SAT1: variants seen among roughly 807,000 people sequenced by gnomAD.
The protein encoded by SAT1 is spermidine/spermine N1-acetyltransferase 1.
Under a neutral mutation model 14.7 loss-of-function variants are expected in SAT1, and 1 was observed. That is an observed-to-expected ratio of 0.07 (90% CI 0.02 to 0.32). The LOEUF is 0.32. Ranked by LOEUF, SAT1 falls within the 10% of genes least tolerant of loss-of-function variation. The pLI, the probability that SAT1 is intolerant of heterozygous loss-of-function variation, is 1.00. For missense variants in SAT1, 77 were observed against 129.1 expected (o/e 0.60, Z 1.96); for synonymous variants, 67 against 46.1 (o/e 1.45, Z -1.84).
At position 23,783,336 on chromosome X, in the gene SAT1, A is replaced by G. The variant is rs776017309; in HGVS notation, c.-16A>G. The G allele has an allele frequency of 7.4e-6, 9 of 1,209,356 alleles. No homozygotes were observed. Among genetic ancestry groups the G allele is most frequent in the Non-Finnish European group, 2.2e-6 (2 of 893,375 alleles). On this transcript the variant is annotated 5_prime_UTR_variant, in exon 1 of 6. Transcript: ENST00000379270. ...AGGGGCCTGGTCCGCAAAGGGAAGAAAAGCAAAAGACGAAAATGGCTAAAT... is the reference window on the plus strand; with the variant it reads ...AGGGGCCTGGTCCGCAAAGGGAAGAGAAGCAAAAGACGAAAATGGCTAAAT...
In SAT1 at chrX:23,783,784, C is replaced by T. The variant is rs1569213696; in HGVS notation, c.119-16C>T. ...TTCGCCAAGGCCATTACCGCCCCTG[C>T]TCCCCCTTCTTGCAGATCTGCTAGA... is the stretch of plus-strand genomic sequence containing the variant. On this transcript the variant is annotated splice_polypyrimidine_tract_variant and intron_variant, in intron 2 of 5. Coordinates refer to ENST00000379270, the MANE Select transcript of SAT1 (RefSeq NM_002970.4). The T allele has an allele frequency of 8.3e-7, 1 of 1,211,513 alleles. No individual in the cohort carries two copies. Among genetic ancestry groups the T allele is most frequent in the Non-Finnish European group, 1.1e-6 (1 of 895,129 alleles).
rs200440143 is a variant in SAT1, at chrX:23,783,890, C to T, written c.202+7C>T. The T allele has an allele frequency of 8.1e-4, 985 of 1,209,467 alleles. No homozygotes were observed. The highest frequency in any genetic ancestry group is 9.1e-4 in the Non-Finnish European group (818 of 895,159). On this transcript the variant is annotated splice_region_variant and intron_variant, in intron 3 of 5. Transcript: ENST00000379270. ...GAGCACTGGACTCCGGAAGGTAACC[C>T]CTCGCCCTTTCCAGAAGCCAGAGAG...
At chrX:23,785,083 T>C in intron 3 of SAT1, 3 of 406,953 alleles carry the variant, frequency 7.4e-6, no homozygotes, top group East Asian at 4.1e-5. Flanking sequence ...CAGTCCACAG[T>C]TGTAGCCTGA....
At position 23,785,248 on chromosome X, in the gene SAT1, T is replaced by G. The variant is rs1324236049; in HGVS notation, c.203-80T>G. Reference sequence around the variant, plus strand: ...ATGCATGTGTGTTTTTTAAAACCTATGATAGGCCTCTGATTCTGCAGCTGC... The same window carrying G: ...ATGCATGTGTGTTTTTTAAAACCTAGGATAGGCCTCTGATTCTGCAGCTGC... On this transcript the variant is annotated intron_variant, in intron 3 of 5. Coordinates refer to ENST00000379270, the MANE Select transcript of SAT1 (RefSeq NM_002970.4). The G allele has an allele frequency of 4.2e-6, 3 of 720,006 alleles. No homozygotes were observed. In the East Asian group the frequency reaches 9.5e-5, roughly 23 times the overall value. The allele number at this position is 720,006 out of a possible 1,213,427, so 59.3% of individuals were successfully genotyped here.
Position 23,785,390 on chromosome X carries a change from T to C in SAT1, c.265T>C (p.Leu89=), listed in dbSNP as rs746629550. The stretch of plus-strand genomic sequence containing the variant: ...CTATGACCCGTGGATTGGCAAGTTA[T>C]TGTATCTTGAGGACTTCTTCGTGAT... ...FTYDPWIGKL[L]YLEDFFVMSD... is the part of the protein sequence containing the mutation. The change falls in exon 4 of 6, where the codon TTG becomes CTG. Residue 89 remains leucine (L), a synonymous_variant. Coordinates refer to ENST00000379270, the MANE Select transcript of SAT1 (RefSeq NM_002970.4). 4.1e-6 allele frequency: 5 copies of C among 1,208,032 alleles called. No homozygotes were observed. In the South Asian group the frequency reaches 5.3e-5, roughly 13 times the overall value.
At chrX:23,784,438 A>G in intron 3 of SAT1, 1 of 404,522 alleles carries the variant, frequency 2.5e-6, no homozygotes, top group Non-Finnish European at 3.1e-6. Flanking sequence ...CAAACACGGT[A>G]GATCAGAAAC....
At position 23,783,429 on chromosome X, in the gene SAT1, C is replaced by G. The variant is rs1356470684; in HGVS notation, c.66+12C>G. 5 of 1,196,545 alleles carry G rather than the reference C, an allele frequency of 4.2e-6. No homozygotes were observed. The highest frequency in any genetic ancestry group is 4.5e-6 in the Non-Finnish European group (4 of 883,939). ...TGCGGCTGATCAAGGTAGCGGAGAG[C>G]CAGAGCTCCTCCCGGGGCGTGGGGT... On this transcript the variant is annotated intron_variant, in intron 1 of 5. Transcript: ENST00000379270.
rs754254001 is a variant in SAT1, at chrX:23,785,899, A to G, written c.*43A>G. ...GACAACCTCCATTCTATTTTAGAAT[A>G]AATTCCCAACTTCTCTTGCTTTCTA... On this transcript the variant is annotated 3_prime_UTR_variant, in exon 6 of 6. Transcript: ENST00000379270. The G allele has an allele frequency of 9.4e-7, 1 of 1,058,771 alleles. No individual in the cohort carries two copies. The highest frequency in any genetic ancestry group is 2.3e-5 in the South Asian group (1 of 43,426). The allele number at this position is 1,058,771 out of a possible 1,213,427, so 87.3% of individuals were successfully genotyped here.
In SAT1 at chrX:23,785,954, C is replaced by A; in HGVS notation, c.*98C>A. On this transcript the variant is annotated 3_prime_UTR_variant, in exon 6 of 6. Transcript: ENST00000379270. ...GTTTGTAGTGAAATAATAGAATGAG[C>A]ACCCATTCCAAAGCTTTATTACCAG... The A allele has an allele frequency of 1.3e-6, 1 of 752,001 alleles. No homozygotes were observed. The allele number at this position is 752,001 out of a possible 1,213,427, so 62.0% of individuals were successfully genotyped here.
intron 3 of SAT1, 168 bp from the exon 4 acceptor site, chrX:23,785,160 G>C (rs377560648): frequency 2.2e-6 from 1 of 461,363 alleles, no homozygotes; most frequent in African/African-American, 2.4e-5. Context: ...TCATCCAGCA[G>C]TGGCCTGGAC....
At chrX:23,783,489 A>G in intron 1 of SAT1, 72 bp downstream of exon 1, 1 of 1,029,358 alleles carries the variant, frequency 9.7e-7, no homozygotes, top group Non-Finnish European at 1.3e-6. Flanking sequence ...GGGGTGATTC[A>G]CGTCTTGAGG....
Position 23,785,446 on chromosome X carries a change from A to G in SAT1, c.304+17A>G. The G allele has an allele frequency of 1.7e-6, 2 of 1,168,185 alleles. No homozygotes were observed. The highest frequency in any genetic ancestry group is 2.3e-6 in the Non-Finnish European group (2 of 855,612). ...ATTATAGAGGTACGATTGAGTTCGG[A>G]GCAGAGGGTCTGAAGAGAGTTCAGA... On this transcript the variant is annotated intron_variant, in intron 4 of 5. Coordinates refer to ENST00000379270, the MANE Select transcript of SAT1 (RefSeq NM_002970.4).
In SAT1 at chrX:23,783,781, C is replaced by G. The variant is rs766643919; in HGVS notation, c.119-19C>G. On this transcript the variant is annotated intron_variant, in intron 2 of 5. Coordinates refer to ENST00000379270, the MANE Select transcript of SAT1 (RefSeq NM_002970.4). ...ACCTTCGCCAAGGCCATTACCGCCC[C>G]TGCTCCCCCTTCTTGCAGATCTGCT... is the stretch of plus-strand genomic sequence containing the variant. The G allele has an allele frequency of 7.4e-6, 9 of 1,210,092 alleles. No homozygotes were observed. The African/African-American group carries it at 1.6e-4, about 21-fold the overall frequency.
At position 23,785,826 on chromosome X, in the gene SAT1, G is replaced by A. The variant is rs1601857022; in HGVS notation, c.486G>A (p.Glu162=). 1 of 1,202,676 alleles carries A rather than the reference G, an allele frequency of 8.3e-7. No individual in the cohort carries two copies. The highest frequency in any genetic ancestry group is 1.1e-6 in the Non-Finnish European group (1 of 890,939). ...EGWRLFKIDK[E]YLLKMATEE is the part of the protein sequence containing the mutation. ...GGAGACTGTTCAAGATCGACAAGGAGTACTTGCTAAAAATGGCAACAGAGG... is the reference window on the plus strand; with the variant it reads ...GGAGACTGTTCAAGATCGACAAGGAATACTTGCTAAAAATGGCAACAGAGG... The change falls in exon 6 of 6, where the codon GAG becomes GAA. Residue 162 remains glutamate, a synonymous_variant. Transcript: ENST00000379270.
At position 23,785,420 on chromosome X, in the gene SAT1, G is replaced by C. The variant is rs148483557; in HGVS notation, c.295G>C (p.Asp99His). The C allele has an allele frequency of 1.7e-6, 2 of 1,187,815 alleles. No homozygotes were observed. Among genetic ancestry groups the C allele is most frequent in the Non-Finnish European group, 2.3e-6 (2 of 874,585 alleles). ...TCTTGAGGACTTCTTCGTGATGAGT[G>C]ATTATAGAGGTACGATTGAGTTCGG... ...LYLEDFFVMS[D>H]YRGFGIGSEI... Residue 99 changes from aspartate to histidine, a missense_variant, in exon 4 of 6, where the codon GAT (aspartate) becomes CAT (histidine). Coordinates refer to ENST00000379270, the MANE Select transcript of SAT1 (RefSeq NM_002970.4).
At position 23,785,707 on chromosome X, in the gene SAT1, A is replaced by G. The variant is rs1322842368; in HGVS notation, c.367A>G (p.Ser123Gly). The change falls in exon 6 of 6, where the codon AGC (serine) becomes GGC (glycine). Residue 123 changes from serine to glycine, a missense_variant. Ser to Gly is a moderately conservative substitution (Grantham distance 56). Coordinates refer to ENST00000379270, the MANE Select transcript of SAT1 (RefSeq NM_002970.4). ...LSQVAMRCRC[S>G]SMHFLVAEWN... ...ATAGGTTGCAATGAGGTGTCGCTGC[A>G]GCAGCATGCACTTCTTGGTAGCAGA... is the stretch of plus-strand genomic sequence containing the variant. 4 of 1,207,507 alleles carry G rather than the reference A, an allele frequency of 3.3e-6. No homozygotes were observed. In the African/African-American group the frequency reaches 5.2e-5, roughly 16 times the overall value.
intron 3 of SAT1, chrX:23,784,136 TTAAG>T: frequency 9.5e-7 from 1 of 1,051,044 alleles, no homozygotes; most frequent in Non-Finnish European, 1.2e-6. Flanking sequence ...TTTAAGCTGC[TTAAG>T]TAAGTATAAG....
chrX:23,785,267 C>A, intron 3 of SAT1, 61 bp from the exon 4 acceptor site: 1 of 867,268 alleles, frequency 1.2e-6, no homozygotes, highest in Non-Finnish European at 1.7e-6. Context: ...TCTGATTCTG[C>A]AGCTGCAACT....
chrX:23,784,382 G>C, intron 3 of SAT1: 1 of 744,411 alleles, frequency 1.3e-6, no homozygotes. Context: ...ACACAATAAA[G>C]TAGATGATCA....
Sources: gnomAD v4.1 joint callset for allele counts on GRCh38, gnomAD v4.1.1 for gene constraint, MANE v1.5 for transcripts, NCBI Gene and HGNC (gene_info 2026-07-23, HGNC 2026-07-21) for gene names.